SAMSN1: variants seen among roughly 807,000 people sequenced by gnomAD.
SAMSN1 encodes the protein SAM domain-containing protein SAMSN-1.
A neutral mutation model predicts 42.0 loss-of-function variants in SAMSN1; 31 were observed. The ratio of observed to expected loss-of-function variants is 0.74; its 90% CI spans 0.55 to 1.00. The LOEUF (loss-of-function observed/expected upper bound fraction) is 1.00. SAMSN1 is among the 50% of genes least tolerant of loss of function. The probability of loss-of-function intolerance (pLI) is 0.00; values close to 1 mark genes in which losing one functional copy is unlikely to be tolerated. For missense variants in SAMSN1, 464 were observed against 439.4 expected (o/e 1.06, Z -0.50); for synonymous variants, 178 against 151.9 (o/e 1.17, Z -1.26).
chr21:14,578,578 G>T (rs1981583673), intron 2 of SAMSN1, among the ~76,000 whole-genome samples: 1 of 151,438 alleles, frequency 6.6e-6, no homozygotes, highest in Admixed American at 6.6e-5. Flanking sequence ...AGCTACTAGG[G>T]AGGCTGAGGC....
intron 1 of SAMSN1, among the ~76,000 whole-genome samples, chr21:14,523,730 T>C (rs1483783926): frequency 6.6e-6 from 1 of 152,194 alleles, no homozygotes; most frequent in East Asian, 1.9e-4. Flanking sequence ...AAGGGTGCGA[T>C]TTCCACAATG....
intron 2 of SAMSN1, among the ~76,000 whole-genome samples, chr21:14,635,840 A>ATTG (rs1983454765): frequency 6.6e-6 from 1 of 152,022 alleles, no homozygotes; most frequent in Non-Finnish European, 1.5e-5. Flanking sequence ...TATTATTATT[A>ATTG]TTATACTTCA....
chr21:14,559,226 G>A (rs1980863243), intron 2 of SAMSN1, among the ~76,000 whole-genome samples: 1 of 152,088 alleles, frequency 6.6e-6, no homozygotes. Flanking sequence ...TCTAGTTTAT[G>A]GTGCAATCAG....
chr21:14,568,240 T>A (rs1270723900), intron 2 of SAMSN1, among the ~76,000 whole-genome samples: 6 of 152,182 alleles, frequency 3.9e-5, no homozygotes, highest in African/African-American at 1.4e-4. Flanking sequence ...ATTTAAGTGT[T>A]CAGGTTTATA....
chr21:14,635,138 A>T (rs921300362), intron 2 of SAMSN1, among the ~76,000 whole-genome samples: 1 of 152,224 alleles, frequency 6.6e-6, no homozygotes, highest in African/African-American at 2.4e-5. Flanking sequence ...CAATGAGAAC[A>T]CATGGACACA....
upstream of SAMSN1, among the ~76,000 whole-genome samples, chr21:14,547,927 G>A (rs371362876): frequency 1.3e-5 from 2 of 152,012 alleles, no homozygotes; most frequent in Non-Finnish European, 2.9e-5. Context: ...TGATTTTTGA[G>A]AATTATTGAG....
chr21:14,545,668 A>G (rs1194441990), intron 1 of SAMSN1, among the ~76,000 whole-genome samples: 1 of 152,156 alleles, frequency 6.6e-6, no homozygotes, highest in Admixed American at 6.5e-5. Flanking sequence ...TTTTTTGTGT[A>G]GTAATAACAT....
At chr21:14,610,283 C>G (rs1600961938) in intron 4 of SAMSN1, among the ~76,000 whole-genome samples, 2 of 152,056 alleles carry the variant, frequency 1.3e-5, no homozygotes, top group Admixed American at 6.5e-5. Flanking sequence ...AATGGCCACC[C>G]TAGGAGTGTC....
intron 2 of SAMSN1, among the ~76,000 whole-genome samples, chr21:14,572,079 C>T (rs1981319866): frequency 6.6e-6 from 1 of 152,168 alleles, no homozygotes; most frequent in South Asian, 2.1e-4. Flanking sequence ...CCACACAGCT[C>T]AGGGAAATAC....
intron 2 of SAMSN1, among the ~76,000 whole-genome samples, chr21:14,629,453 G>C (rs1362879186): frequency 1.3e-5 from 2 of 152,144 alleles, no homozygotes; most frequent in Non-Finnish European, 2.9e-5. Flanking sequence ...AGGGAAAACA[G>C]ATTTTATCCT....
At chr21:14,504,568 G>T (rs185219305) in intron 5 of SAMSN1, among the ~76,000 whole-genome samples, 29 of 152,202 alleles carry the variant, frequency 1.9e-4, no homozygotes, top group African/African-American at 6.7e-4. Context: ...AAAAGAATAA[G>T]AAAATATGAA....
chr21:14,654,471 A>G (rs1370057587), intron 1 of SAMSN1, among the ~76,000 whole-genome samples: 3 of 152,052 alleles, frequency 2.0e-5, no homozygotes, highest in Non-Finnish European at 2.9e-5. Context: ...AACAGACAGC[A>G]TTGGACAGAT....
At chr21:14,518,645 C>T (rs1393090308) in intron 2 of SAMSN1, among the ~76,000 whole-genome samples, 1 of 152,134 alleles carries the variant, frequency 6.6e-6, no homozygotes, top group African/African-American at 2.4e-5. Context: ...AGTTTAACCA[C>T]ATAGTTAACA....
chr21:14,644,890 C>A (rs996364070), intron 1 of SAMSN1, among the ~76,000 whole-genome samples: 1 of 152,108 alleles, frequency 6.6e-6, no homozygotes, highest in African/African-American at 2.4e-5. Context: ...TAGCAGTACT[C>A]CTTGTACCTA....
At chr21:14,531,010 C>G (rs775499201) in intron 1 of SAMSN1, among the ~76,000 whole-genome samples, 135 of 151,756 alleles carry the variant, frequency 8.9e-4, no homozygotes, top group Non-Finnish European at 1.7e-3. Context: ...AATATTTTAA[C>G]TAGTCACATC....
chr21:14,629,722 C>T (rs567306880), intron 2 of SAMSN1, among the ~76,000 whole-genome samples: 2 of 152,252 alleles, frequency 1.3e-5, no homozygotes, highest in Admixed American at 6.5e-5. Flanking sequence ...ATTGCACGAA[C>T]TTTGCCATTT....
chr21:14,652,629 A>G (rs916842599), intron 1 of SAMSN1, among the ~76,000 whole-genome samples: 1 of 152,082 alleles, frequency 6.6e-6, no homozygotes, highest in Non-Finnish European at 1.5e-5. Context: ...TGGTCTGGGA[A>G]AGGATTTCTT....
At chr21:14,615,218 C>T (rs1283879091) in intron 3 of SAMSN1, among the ~76,000 whole-genome samples, 2 of 152,014 alleles carry the variant, frequency 1.3e-5, no homozygotes, top group African/African-American at 4.8e-5. Context: ...ACTACACCAG[C>T]CTGACAGGTC....
At chr21:14,506,312 T>C (rs909721955) in intron 5 of SAMSN1, among the ~76,000 whole-genome samples, 1 of 151,854 alleles carries the variant, frequency 6.6e-6, no homozygotes, top group Non-Finnish European at 1.5e-5. Context: ...ATAAAATTAA[T>C]AGACCATTAG....
Sources: gnomAD v4.1 joint callset for allele counts (sites outside exome capture counted in the v4.1 genomes callset) on GRCh38, gnomAD v4.1.1 for gene constraint, MANE v1.5 for transcripts, NCBI Gene and HGNC (gene_info 2026-07-23, HGNC 2026-07-21) for gene names.